The following CLUL1 variants were observed in gnomAD, a reference collection of about 807,000 sequenced individuals.
The protein encoded by CLUL1 is clusterin-like protein 1.
A neutral mutation model predicts 49.4 loss-of-function variants in CLUL1; 43 were observed. That is an observed-to-expected ratio of 0.87 (90% CI 0.68 to 1.12). The LOEUF is 1.12. CLUL1 is among the 50% of genes most tolerant of loss of function. The probability of loss-of-function intolerance (pLI) is 0.00; values close to 1 mark genes in which losing one functional copy is unlikely to be tolerated. For missense variants in CLUL1, 486 were observed against 544.4 expected (o/e 0.89, Z 1.07); for synonymous variants, 192 against 184.9 (o/e 1.04, Z -0.31).
At position 644,903 on chromosome 18, in the gene CLUL1, T is replaced by A. The variant is rs754334114; in HGVS notation, c.1210-7T>A. On this transcript the variant is annotated splice_polypyrimidine_tract_variant and splice_region_variant and intron_variant, in intron 8 of 9. Coordinates refer to ENST00000692774, the MANE Select transcript of CLUL1 (RefSeq NM_001393344.1). ...TAAACTTCTACTGTATAATCCTTCT[T>A]CTGTAGGTAGTTCCAAGGATTCATG... 7.5e-6 allele frequency: 12 copies of A among 1,599,878 alleles called. No individual in the cohort carries two copies. Among genetic ancestry groups the A allele is most frequent in the Middle Eastern group, 1.7e-4 (1 of 6,044 alleles).
At chr18:647,913 T>TACC (rs1236279030) in intron 9 of CLUL1, among the ~76,000 whole-genome samples, 1 of 152,170 alleles carries the variant, frequency 6.6e-6, no homozygotes, top group Admixed American at 6.5e-5. Flanking sequence ...TCCATGAGGG[T>TACC]ACCACCGTTC....
intron 2 of CLUL1, among the ~76,000 whole-genome samples, chr18:608,893 A>G (rs2073055870): frequency 6.6e-6 from 1 of 152,184 alleles, no homozygotes; most frequent in Non-Finnish European, 1.5e-5. Flanking sequence ...GACCATTATA[A>G]TACCATTATA....
chr18:620,957 A>C (rs1027802077), intron 4 of CLUL1, among the ~76,000 whole-genome samples: 1 of 152,230 alleles, frequency 6.6e-6, no homozygotes, highest in Non-Finnish European at 1.5e-5. Context: ...TTTCAATTTT[A>C]ATGTTGAGAG....
At chr18:639,534 G>A (rs917170175) in intron 7 of CLUL1, among the ~76,000 whole-genome samples, 1 of 151,732 alleles carries the variant, frequency 6.6e-6, no homozygotes, top group Non-Finnish European at 1.5e-5. Context: ...GGGAGGCCAA[G>A]GCGGGCAATC....
chr18:649,518 C>G (rs1304904678), intron 9 of CLUL1: 2 of 163,252 alleles, frequency 1.2e-5, no homozygotes, highest in African/African-American at 2.4e-5. Flanking sequence ...TAGATGGGCT[C>G]TTACCATCAT....
chr18:597,751 T>G (rs578026), intron 1 of CLUL1: 38,767 of 152,050 alleles, frequency 0.25, 5,654 homozygotes, highest in Non-Finnish European at 0.32. Context: ...AGAATCACTC[T>G]GAAAACGATC....
At chr18:641,274 C>T in intron 7 of CLUL1, 53 bp from the exon 8 acceptor site, 1 of 1,521,706 alleles carries the variant, frequency 6.6e-7, no homozygotes, top group Non-Finnish European at 9.1e-7. Context: ...ATGTTGCCCA[C>T]CTCCAAGTTT....
chr18:607,003 C>A lies in CLUL1; in HGVS notation c.-110C>A. 1.5e-6 allele frequency: 1 copy of A among 661,902 alleles called. No homozygotes were observed. Among genetic ancestry groups the A allele is most frequent in the African/African-American group, 1.8e-5 (1 of 55,212 alleles). 41.0% of individuals were successfully genotyped at this position (661,902 alleles called of 1,614,324 possible). ...AGTTGCGTCCCTCTCGGTTGCCAGG[C>A]TGGAGTTCAGTGGCATGTTCATAGC... On this transcript the variant is annotated 5_prime_UTR_variant, in exon 2 of 10. In the 5' UTR this introduces an upstream ATG that the reference lacks. Transcript: ENST00000692774.
At chr18:645,989 C>G in intron 9 of CLUL1, among the ~76,000 whole-genome samples, 1 of 150,618 alleles carries the variant, frequency 6.6e-6, no homozygotes, top group Non-Finnish European at 1.5e-5. Flanking sequence ...TTAACAAGAG[C>G]TTTATTATCA....
chr18:621,162 C>A (rs1440214646), intron 4 of CLUL1, among the ~76,000 whole-genome samples: 1 of 152,108 alleles, frequency 6.6e-6, no homozygotes, highest in African/African-American at 2.4e-5. Context: ...TTAAACAATG[C>A]CCCATTCCCC....
chr18:629,641 T>C (rs2073929204), intron 6 of CLUL1, among the ~76,000 whole-genome samples: 1 of 152,156 alleles, frequency 6.6e-6, no homozygotes, highest in Non-Finnish European at 1.5e-5. Flanking sequence ...CTGCGCCACT[T>C]CCATCTCAGT....
chr18:649,661 A>G (rs1452055948), intron 9 of CLUL1: 2 of 441,172 alleles, frequency 4.5e-6, no homozygotes, highest in Admixed American at 8.1e-5. Context: ...TCAGAGGAAA[A>G]GACCATCTTA....
chr18:646,670 C>T (rs1033403711), intron 9 of CLUL1, among the ~76,000 whole-genome samples: 1 of 151,830 alleles, frequency 6.6e-6, no homozygotes, highest in Non-Finnish European at 1.5e-5. Context: ...CCTTCTATCC[C>T]CTCTCTTCCT....
chr18:635,979 C>G (rs898851628), intron 7 of CLUL1, among the ~76,000 whole-genome samples: 1 of 152,120 alleles, frequency 6.6e-6, no homozygotes, highest in Non-Finnish European at 1.5e-5. Context: ...TCGTGATCCT[C>G]CCACCTCAGC....
intron 9 of CLUL1, among the ~76,000 whole-genome samples, chr18:648,976 T>C (rs1368445598): frequency 6.6e-6 from 1 of 152,204 alleles, no homozygotes; most frequent in Non-Finnish European, 1.5e-5. Context: ...ATTTTTAAAA[T>C]CTTCAGTAAT....
At chr18:632,893 G>C (rs1242731259) in intron 6 of CLUL1, among the ~76,000 whole-genome samples, 2 of 152,186 alleles carry the variant, frequency 1.3e-5, no homozygotes, top group African/African-American at 4.8e-5. Context: ...GGTGGCTCAT[G>C]CCTGTAATCC....
intron 6 of CLUL1, among the ~76,000 whole-genome samples, chr18:631,838 T>G (rs567205959): frequency 6.6e-6 from 1 of 152,202 alleles, no homozygotes; most frequent in Non-Finnish European, 1.5e-5. Flanking sequence ...ATGGAAAAGA[T>G]AAGAAAGCAA....
chr18:637,746 G>A (rs927359327), intron 7 of CLUL1, among the ~76,000 whole-genome samples: 3 of 152,122 alleles, frequency 2.0e-5, no homozygotes, highest in African/African-American at 4.8e-5. Context: ...AGGCCGAGGC[G>A]GGCGGATCAC....
At chr18:628,639 C>CTTTTTTTTCT (rs754564994) in intron 6 of CLUL1, among the ~76,000 whole-genome samples, 5 of 137,586 alleles carry the variant, frequency 3.6e-5, no homozygotes, top group African/African-American at 1.1e-4. Flanking sequence ...TTTCTTTTTT[C>CTTTTTTTTCT]TTTTTTTTTT....
Sources: allele counts gnomAD v4.1 joint callset (sites outside exome capture counted in the v4.1 genomes callset), GRCh38; gene constraint gnomAD v4.1.1; transcripts MANE v1.5; gene names NCBI Gene and HGNC (gene_info 2026-07-23, HGNC 2026-07-21).